Variants in CORO7 observed in about 807,000 individuals in gnomAD.
CORO7 encodes the protein coronin-7.
In CORO7, 107 loss-of-function variants were observed where a neutral mutation model predicts 126.6. The observed-to-expected ratio is 0.85, with a 90% CI of 0.72 to 0.99. CORO7 has a LOEUF of 0.99. Among genes scored for constraint, CORO7 ranks in the 50% least tolerant of loss-of-function variants. The pLI is 0.00. For synonymous variants in CORO7, 603 were observed against 536.8 expected (o/e 1.12, Z -1.70); for missense variants, 1,314 against 1,255.8 (o/e 1.05, Z -0.70).
Position 4,362,151 on chromosome 16 carries a change from G to A in CORO7, c.1412C>T (p.Ser471Phe), listed in dbSNP as rs778775369. The A allele has an allele frequency of 6.2e-7, 1 of 1,607,912 alleles. No homozygotes were observed. The highest frequency in any genetic ancestry group is 8.5e-7 in the Non-Finnish European group (1 of 1,178,032). Residue 471 changes from serine (S) to phenylalanine (F), a missense_variant, in exon 16 of 28, where the codon TCC (serine) becomes TTC (phenylalanine). By Grantham distance (155) the Ser-to-Phe change is radical (BLOSUM62 -2). Transcript: ENST00000251166. This position sits in a 1 kb window ranked among gnomAD's most constrained non-coding sequence, Gnocchi z 5.3. ...RSLQSLLGPS[S>F]KFRHAQGTVL... The stretch of plus-strand genomic sequence containing the variant: ...AGTGCCCTGAGCATGGCGGAACTTG[G>A]AACTGGGGCCTGGCAGGTGGCAGGG...
At chr16:4,371,258 T>G (rs1222659482) in intron 9 of CORO7, among the ~76,000 whole-genome samples, 3 of 152,258 alleles carry the variant, frequency 2.0e-5, no homozygotes, top group African/African-American at 7.2e-5. Context: ...CTGTCGTGGC[T>G]AAGAGGACCC....
chr16:4,365,617 G>GC (rs2054325191), intron 9 of CORO7, 72 bp from the exon 10 acceptor site: 18 of 1,538,224 alleles, frequency 1.2e-5, no homozygotes, highest in Non-Finnish European at 1.6e-5. Context: ...CCATGTAGGA[G>GC]CCCAGGACAG....
At chr16:4,411,776 C>T (rs2056220147) in intron 3 of CORO7, among the ~76,000 whole-genome samples, 1 of 152,068 alleles carries the variant, frequency 6.6e-6, no homozygotes, top group South Asian at 2.1e-4. Flanking sequence ...GGGCCCGCGG[C>T]CGCTGCAGCT....
At chr16:4,372,735 T>G (rs2054580778) in intron 9 of CORO7, among the ~76,000 whole-genome samples, 1 of 152,156 alleles carries the variant, frequency 6.6e-6, no homozygotes, top group Non-Finnish European at 1.5e-5. Context: ...GCCAGCCGAT[T>G]GGTGCCAACC....
rs35006458 is a variant in CORO7 at position 4,390,810 on chromosome 16, C to T, written c.616-2179G>A. ...CCACCTGCACAAGATGGACGTGAGG[C>T]TCAGAGTGGTGATGAGGCTTGCACA... is the stretch of plus-strand genomic sequence containing the variant. On this transcript the variant is annotated intron_variant, in intron 7 of 27. Transcript: ENST00000251166. Among the ~76,000 whole-genome samples the T allele has an allele frequency of 6.8e-3, 1,032 of 152,330 alleles. 10 individuals carry two copies. The highest frequency in any genetic ancestry group is 0.01 in the Non-Finnish European group (703 of 68,030).
Position 4,362,789 on chromosome 16 carries a change from A to AAGG in CORO7, c.1276-54_1276-52dup. ...GCCTGCTCCTAGGTGTACTGGCCAAAAGGAGGGGGTGCCAGCGGACTCCAG... is the reference window on the plus strand; with the variant it reads ...GCCTGCTCCTAGGTGTACTGGCCAAAAGGAGGAGGGGGTGCCAGCGGACTCCAG... On this transcript the variant is annotated intron_variant, in intron 14 of 27. Coordinates refer to ENST00000251166, the MANE Select transcript of CORO7 (RefSeq NM_024535.5). This position sits in a 1 kb window ranked among gnomAD's most constrained non-coding sequence, Gnocchi z 5.3. The AAGG allele has an allele frequency of 1.6e-6, 2 of 1,289,372 alleles. No homozygotes were observed. Among genetic ancestry groups the AAGG allele is most frequent in the East Asian group, 6.2e-5 (2 of 32,034 alleles). The allele number at this position is 1,289,372 out of a possible 1,614,324, so 79.9% of individuals were successfully genotyped here.
At chr16:4,382,773 G>T (rs149051303) in intron 9 of CORO7, 3 of 1,571,070 alleles carry the variant, frequency 1.9e-6, no homozygotes, top group Non-Finnish European at 2.6e-6. Flanking sequence ...TCCCCTTGGA[G>T]CCAGGCCCGA....
intron 9 of CORO7, among the ~76,000 whole-genome samples, chr16:4,384,782 C>T (rs894187176): frequency 9.2e-5 from 14 of 152,184 alleles, no homozygotes; most frequent in African/African-American, 3.4e-4. Flanking sequence ...CGGCGGCAGC[C>T]CAGGTGGATT....
rs1007056462 is a variant in CORO7 at position 4,361,439 on chromosome 16, C to T, written c.1609G>A (p.Ala537Thr). Reference protein sequence around the residue: ...LRKPGRLPDTALPTLQNGAAV... With the variant: ...LRKPGRLPDTTLPTLQNGAAV... ...GCCCCATTCTGCAGCGTGGGCAGTG[C>T]CGTGTCGGGCAGGCGGCCAGGCTTC... Residue 537 changes from alanine to threonine, a missense_variant, in exon 17 of 28, where the codon GCA becomes ACA. Ala to Thr is a moderately conservative substitution (Grantham distance 58). Coordinates refer to ENST00000251166, the MANE Select transcript of CORO7 (RefSeq NM_024535.5). 2 of 1,612,280 alleles carry T rather than the reference C, an allele frequency of 1.2e-6. No individual in the cohort carries two copies. The highest frequency in any genetic ancestry group is 1.7e-6 in the Non-Finnish European group (2 of 1,179,844).
At chr16:4,396,438 G>T (rs1046642313) in intron 6 of CORO7, among the ~76,000 whole-genome samples, 1 of 152,234 alleles carries the variant, frequency 6.6e-6, no homozygotes, top group Non-Finnish European at 1.5e-5. Context: ...TGATTCTACT[G>T]TGGTAAAAAT....
chr16:4,371,679 T>A (rs2054527653), intron 9 of CORO7, among the ~76,000 whole-genome samples: 1 of 152,126 alleles, frequency 6.6e-6, no homozygotes, highest in South Asian at 2.1e-4. Context: ...CCCGCGCAGG[T>A]CAGGTGGCCG....
At chr16:4,357,674 G>A (rs2054022254) in intron 25 of CORO7, 2 of 439,190 alleles carry the variant, frequency 4.6e-6, no homozygotes, top group Non-Finnish European at 7.8e-6. Flanking sequence ...GGATTTCTAT[G>A]GCGCAGATCT....
intron 3 of CORO7, among the ~76,000 whole-genome samples, chr16:4,409,671 C>T (rs935373149): frequency 1.3e-5 from 2 of 152,250 alleles, no homozygotes; most frequent in African/African-American, 4.8e-5. Context: ...GCATGACATG[C>T]TGCTGCCTTT....
At chr16:4,382,485 GC>G (rs773947313) in intron 9 of CORO7, 1 of 1,601,442 alleles carries the variant, frequency 6.2e-7, no homozygotes. Context: ...TCTGTGTCAT[GC>G]CTTTGGGGCC....
rs960747486 is a variant in CORO7 at position 4,385,637 on chromosome 16, G to A, written c.785+2349C>T. On this transcript the variant is annotated intron_variant, in intron 9 of 27. Coordinates refer to ENST00000251166, the MANE Select transcript of CORO7 (RefSeq NM_024535.5). Reference sequence around the variant, plus strand: ...CACACAAAGTGCTGGGCAGCCCTCCGTGGAGGCTGCCTGAGCACAGACAGG... The same window carrying A: ...CACACAAAGTGCTGGGCAGCCCTCCATGGAGGCTGCCTGAGCACAGACAGG... 3.9e-5 allele frequency among the ~76,000 whole-genome samples: 6 copies of A among 152,150 alleles called. No individual in the cohort carries two copies. The East Asian group carries it at 9.6e-4, about 24-fold the overall frequency.
Position 4,358,396 on chromosome 16 carries a change from G to A in CORO7, c.2428C>T (p.Pro810Ser). Residue 810 changes from proline to serine, a missense_variant, in exon 24 of 28, where the codon CCT becomes TCT. Physicochemically the swap from Pro to Ser is moderately conservative, Grantham distance 74. Coordinates refer to ENST00000251166, the MANE Select transcript of CORO7 (RefSeq NM_024535.5). ...CLRLRQSSLE[P>S]VAFRLPRVRK... The stretch of plus-strand genomic sequence containing the variant: ...ACTCGGGGCAGCCGGAAGGCCACAG[G>A]CTCCAGGGAGGACTGACGCAGCCGC... 1 of 1,612,682 alleles carries A rather than the reference G, an allele frequency of 6.2e-7. No individual in the cohort carries two copies. The highest frequency in any genetic ancestry group is 8.5e-7 in the Non-Finnish European group (1 of 1,179,816).
rs750812705 is a variant in CORO7, at chr16:4,413,289, A to G, written c.157+19T>C. ...ACCGAATATGTGAGCAAATATCCAC[A>G]CTCATGGCCATTCCCTACCAGGACG... On this transcript the variant is annotated intron_variant, in intron 2 of 27. Transcript: ENST00000251166. 17 of 1,559,230 alleles carry G rather than the reference A, an allele frequency of 1.1e-5. 1 individual carries two copies. In the Admixed American group the frequency reaches 1.6e-4, roughly 14 times the overall value.
chr16:4,382,425 G>A lies in CORO7; in HGVS notation c.785+5561C>T, dbSNP rs769712492. 6.2e-6 allele frequency: 10 copies of A among 1,611,126 alleles called. No individual in the cohort carries two copies. In the East Asian group the frequency reaches 6.7e-5, roughly 11 times the overall value. ...TGGTGACGCTGCGACTGCCTGCCTCGCTCGCTGAGTACACGGTCACCCAGC... is the reference window on the plus strand; with the variant it reads ...TGGTGACGCTGCGACTGCCTGCCTCACTCGCTGAGTACACGGTCACCCAGC... On this transcript the variant is annotated intron_variant, in intron 9 of 27. Coordinates refer to ENST00000251166, the MANE Select transcript of CORO7 (RefSeq NM_024535.5).
At chr16:4,381,565 C>T (rs766706462) in intron 9 of CORO7, 6 of 1,604,966 alleles carry the variant, frequency 3.7e-6, no homozygotes, top group African/African-American at 1.3e-5. Context: ...CCAGCTGGAG[C>T]GAGTGCCACC....
Sources: allele counts gnomAD v4.1 joint callset (sites outside exome capture counted in the v4.1 genomes callset), GRCh38; gene constraint gnomAD v4.1.1; non-coding constraint Gnocchi (gnomAD v3.1); transcripts MANE v1.5; gene names NCBI Gene and HGNC (gene_info 2026-07-23, HGNC 2026-07-21).